R3HDM1: variants seen among roughly 807,000 people sequenced by gnomAD.
R3HDM1 encodes R3H domain containing 1.
A neutral mutation model predicts 141.1 loss-of-function variants in R3HDM1; 46 were observed. The observed-to-expected ratio is 0.33, with a 90% CI of 0.26 to 0.42. The LOEUF (loss-of-function observed/expected upper bound fraction) is 0.42. Among genes scored for constraint, R3HDM1 ranks in the 10% least tolerant of loss-of-function variants. The pLI is 1.00. For missense variants in R3HDM1, 1,184 were observed against 1,368.3 expected, an observed-to-expected ratio of 0.87 and a Z score of 2.12; for synonymous variants, 435 against 472.9, an observed-to-expected ratio of 0.92 and a Z score of 1.04.
intron 20 of R3HDM1, among the ~76,000 whole-genome samples, chr2:135,678,268 A>T (rs1019760146): frequency 2.0e-5 from 3 of 151,658 alleles, no homozygotes; most frequent in African/African-American, 7.3e-5. Flanking sequence ...CCAGTCAGTC[A>T]TTACCTTTTA....
chr2:135,586,754 CAT>C (rs1382673501), intron 1 of R3HDM1: 3 of 985,188 alleles, frequency 3.0e-6, no homozygotes, highest in Non-Finnish European at 3.6e-6. Flanking sequence ...CCACCCCTCA[CAT>C]GTTTGATATT....
At chr2:135,717,467 A>G (rs1177334395) in intron 24 of R3HDM1, among the ~76,000 whole-genome samples, 1 of 152,014 alleles carries the variant, frequency 6.6e-6, no homozygotes, top group African/African-American at 2.4e-5. Flanking sequence ...CTGGGCAACA[A>G]GATTGACACT....
intron 1 of R3HDM1, among the ~76,000 whole-genome samples, chr2:135,537,202 G>A (rs1696349624): frequency 7.0e-6 from 1 of 143,430 alleles, no homozygotes; most frequent in African/African-American, 2.6e-5. Flanking sequence ...AAGTCTTACT[G>A]TTGTGAAGTC....
chr2:135,618,348 G>A (rs547284460), intron 5 of R3HDM1, among the ~76,000 whole-genome samples: 1 of 151,920 alleles, frequency 6.6e-6, no homozygotes, highest in East Asian at 1.9e-4. Context: ...TTTTAGTAGG[G>A]ACGAGGTTTC....
At chr2:135,699,101 A>AGATAGATAGATAGATT (rs1320248568) in intron 21 of R3HDM1, among the ~76,000 whole-genome samples, 1 of 151,448 alleles carries the variant, frequency 6.6e-6, no homozygotes, top group Non-Finnish European at 1.5e-5. Context: ...ATAGATAGAT[A>AGATAGATAGATAGATT]GATTAGATAT....
At chr2:135,660,538 T>G (rs890407719) in intron 18 of R3HDM1, among the ~76,000 whole-genome samples, 1 of 152,134 alleles carries the variant, frequency 6.6e-6, no homozygotes, top group Non-Finnish European at 1.5e-5. Flanking sequence ...TTTCAGATTT[T>G]GGACATTTGG....
At chr2:135,618,163 G>T (rs1471649990) in intron 5 of R3HDM1, among the ~76,000 whole-genome samples, 1 of 143,588 alleles carries the variant, frequency 7.0e-6, no homozygotes, top group Non-Finnish European at 1.5e-5. Context: ...ATTAATTTAT[G>T]ATTTTTTTTT....
rs1036531601 is a variant in R3HDM1 at position 135,602,505 on chromosome 2, G to A, written c.-244G>A. On this transcript the variant is annotated 5_prime_UTR_variant, in exon 2 of 27. Coordinates refer to ENST00000683871, the MANE Select transcript of R3HDM1 (RefSeq NM_001378107.1). ...TTCTTTTGTTTTCATTTTAGGCCAC[G>A]GAAAGGTATGATATATTTGATCCAA... is the stretch of plus-strand genomic sequence containing the variant. The A allele has an allele frequency of 2.0e-5, 25 of 1,272,916 alleles. No individual in the cohort carries two copies. The highest frequency in any genetic ancestry group is 9.3e-5 in the East Asian group (3 of 32,258). The allele number at this position is 1,272,916 out of a possible 1,614,324, so 78.9% of individuals were successfully genotyped here. A position where few individuals can be genotyped will look rare whatever the true frequency, so the allele number is the denominator to read the frequency against.
At chr2:135,638,109 T>C (rs983790540) in intron 11 of R3HDM1, among the ~76,000 whole-genome samples, 4 of 152,190 alleles carry the variant, frequency 2.6e-5, no homozygotes, top group African/African-American at 9.7e-5. Context: ...GCTCCTGTTA[T>C]ATAAAATGGG....
intron 3 of R3HDM1, among the ~76,000 whole-genome samples, chr2:135,612,988 A>G (rs1017190917): frequency 6.6e-6 from 1 of 152,248 alleles, no homozygotes; most frequent in African/African-American, 2.4e-5. Context: ...GAAATAAATT[A>G]TGTTATTGAA....
At chr2:135,691,535 A>G (rs2105380643) in intron 21 of R3HDM1, among the ~76,000 whole-genome samples, 1 of 152,196 alleles carries the variant, frequency 6.6e-6, no homozygotes, top group Middle Eastern at 3.4e-3. Context: ...GAGCCCAGGA[A>G]GTTGAGGCTG....
At chr2:135,710,669 A>G (rs2075523805) in intron 23 of R3HDM1, among the ~76,000 whole-genome samples, 1 of 152,174 alleles carries the variant, frequency 6.6e-6, no homozygotes, top group African/African-American at 2.4e-5. Flanking sequence ...AAGACGGAGG[A>G]AAAAAAGAAT....
At chr2:135,594,780 C>A in intron 1 of R3HDM1, among the ~76,000 whole-genome samples, 1 of 151,826 alleles carries the variant, frequency 6.6e-6, no homozygotes, top group East Asian at 1.9e-4. Flanking sequence ...TTCTTATTAC[C>A]TTTCTTCCCT....
intron 1 of R3HDM1, among the ~76,000 whole-genome samples, chr2:135,578,853 G>A (rs1706115858): frequency 6.6e-6 from 1 of 152,164 alleles, no homozygotes; most frequent in Non-Finnish European, 1.5e-5. Flanking sequence ...GTATAAAGAA[G>A]TTACAGATTA....
chr2:135,538,075 G>A (rs1403027808), intron 1 of R3HDM1, among the ~76,000 whole-genome samples: 1 of 152,104 alleles, frequency 6.6e-6, no homozygotes, highest in Admixed American at 6.5e-5. Flanking sequence ...ATCATGGAGT[G>A]TGCTTACACA....
At position 135,531,610 on chromosome 2, in the gene R3HDM1, GCCT is replaced by G. The variant is rs1000084784; in HGVS notation, c.-262_-260del. ...CGCCCCGCCGCGCCGCGCTCCAACCGCCTCCTCCTCCTCAGTAACGCGGGTAAG... is the reference window on the plus strand; with the variant it reads ...CGCCCCGCCGCGCCGCGCTCCAACCGCCTCCTCCTCAGTAACGCGGGTAAG... On this transcript the variant is annotated 5_prime_UTR_variant, in exon 1 of 27. Coordinates refer to ENST00000683871, the MANE Select transcript of R3HDM1 (RefSeq NM_001378107.1). The G allele has an allele frequency of 2.4e-5, 24 of 986,764 alleles. No individual in the cohort carries two copies. The African/African-American group carries it at 3.7e-4, about 15-fold the overall frequency. 61.1% of individuals were successfully genotyped at this position (986,764 alleles called of 1,614,324 possible). A position where few individuals can be genotyped will look rare whatever the true frequency, so the allele number is the denominator to read the frequency against.
intron 1 of R3HDM1, among the ~76,000 whole-genome samples, chr2:135,580,903 T>G (rs1049777501): frequency 2.0e-5 from 3 of 152,220 alleles, no homozygotes; most frequent in African/African-American, 7.2e-5. Flanking sequence ...TTTGTCTTAT[T>G]TCTTTCCCTG....
intron 1 of R3HDM1, among the ~76,000 whole-genome samples, chr2:135,595,780 C>T (rs2059123679): frequency 6.6e-6 from 1 of 152,166 alleles, no homozygotes; most frequent in South Asian, 2.1e-4. Context: ...AGTATCCAGT[C>T]TGGAGATTGA....
chr2:135,550,475 A>C (rs1699626739), intron 1 of R3HDM1, among the ~76,000 whole-genome samples: 1 of 152,196 alleles, frequency 6.6e-6, no homozygotes, highest in Non-Finnish European at 1.5e-5. Context: ...TAACACCTAT[A>C]CTGTAATTTT....
Sources: gnomAD v4.1 joint callset for allele counts (sites outside exome capture counted in the v4.1 genomes callset) on GRCh38, gnomAD v4.1.1 for gene constraint, MANE v1.5 for transcripts, NCBI Gene and HGNC (gene_info 2026-07-23, HGNC 2026-07-21) for gene names.